AMD1: variants seen among roughly 807,000 people sequenced by gnomAD.
AMD1 encodes S-adenosylmethionine decarboxylase proenzyme.
A neutral mutation model predicts 40.2 loss-of-function variants in AMD1; 11 were observed. The ratio of observed to expected loss-of-function variants is 0.27; its 90% confidence interval spans 0.17 to 0.45. The LOEUF (loss-of-function observed/expected upper bound fraction) is 0.45, where lower values mean the gene tolerates loss of function less well. Among genes scored for constraint, AMD1 ranks in the 20% least tolerant of loss-of-function variants. The pLI is 1.00. For missense variants in AMD1, 257 were observed against 410.2 expected (o/e 0.63, Z 3.23); for synonymous variants, 121 against 130.8 (o/e 0.93, Z 0.51).
the AMD1 span, among the ~76,000 whole-genome samples, chr6:110,832,773 A>C: frequency 4.6e-5 from 7 of 152,112 alleles, no homozygotes; most frequent in Admixed American, 3.3e-4. Context: ...TTTCAGTGAT[A>C]CCTTGAGAAA....
chr6:110,841,117 G>C, the AMD1 span, among the ~76,000 whole-genome samples: 2 of 152,138 alleles, frequency 1.3e-5, no homozygotes, highest in Non-Finnish European at 2.9e-5. Context: ...GGGTTCAAGC[G>C]ATTCTCCTAC....
chr6:110,868,871 C>G, the AMD1 span, among the ~76,000 whole-genome samples: 7 of 151,800 alleles, frequency 4.6e-5, no homozygotes, highest in African/African-American at 1.7e-4. Flanking sequence ...GCCTGACCAA[C>G]ATGGAGAAAC....
At chr6:110,837,731 AAAAAAAAAAAAAAAATATAT>A in the AMD1 span, among the ~76,000 whole-genome samples, 1 of 108,180 alleles carries the variant, frequency 9.2e-6, no homozygotes, top group African/African-American at 3.9e-5. Flanking sequence ...AAAAAAAAAA[AAAAAAAAAAAAAAAATATAT>A]ATATATATAT....
chr6:110,891,711 A>T, intron 4 of AMD1: 1 of 174,464 alleles, frequency 5.7e-6, no homozygotes. Flanking sequence ...CTTATCTGGG[A>T]ATTTACCTAC....
At chr6:110,840,088 G>T in the AMD1 span, among the ~76,000 whole-genome samples, 2 of 142,230 alleles carry the variant, frequency 1.4e-5, no homozygotes, top group Admixed American at 1.5e-4. Context: ...GTGCGATCTC[G>T]GCTCACTGCA....
intron 1 of AMD1, among the ~76,000 whole-genome samples, chr6:110,886,859 T>A: frequency 6.6e-6 from 1 of 152,246 alleles, no homozygotes; most frequent in African/African-American, 2.4e-5. Context: ...ATGAACACTT[T>A]CCTAATTCTA....
the AMD1 span, among the ~76,000 whole-genome samples, chr6:110,842,019 T>C: frequency 6.6e-6 from 1 of 152,010 alleles, no homozygotes; most frequent in Non-Finnish European, 1.5e-5. Context: ...GCCAGGCTGG[T>C]CTCGAAATTC....
the AMD1 span, chr6:110,814,913 G>A: frequency 6.5e-7 from 1 of 1,537,992 alleles, no homozygotes. Context: ...CTCGCCCCTC[G>A]GGCACGGCCC....
At chr6:110,878,019 CCAAAACTAATG>C (rs1785204902) in intron 1 of AMD1, among the ~76,000 whole-genome samples, 1 of 152,062 alleles carries the variant, frequency 6.6e-6, no homozygotes, top group African/African-American at 2.4e-5. Flanking sequence ...AAATAGCTTT[CCAAAACTAATG>C]CAAGAAGAAA....
the AMD1 span, among the ~76,000 whole-genome samples, chr6:110,862,470 A>ATTTT: frequency 1.7e-5 from 2 of 119,964 alleles, no homozygotes; most frequent in African/African-American, 6.2e-5. Context: ...CTATTTACTT[A>ATTTT]TTTTTTTTTT....
rs1786152389 is a variant in AMD1, at chr6:110,893,503, T to G, written c.892T>G (p.Ser298Ala). ...QSSKCRTVLASPQKIEGFKRL... is the reference protein window; with the variant it reads ...QSSKCRTVLAAPQKIEGFKRL... ...TTCTAAATGTCGCACAGTGCTTGCT[T>G]CGCCCCAGAAGATTGAAGGTTTTAA... Residue 298 changes from serine to alanine, a missense_variant, in exon 9 of 9, where the codon TCG (serine) becomes GCG (alanine). Ser to Ala is a moderately conservative substitution (Grantham distance 99, BLOSUM62 1). Coordinates refer to ENST00000368885, the MANE Select transcript of AMD1 (RefSeq NM_001634.6). 1 of 1,613,884 alleles carries G rather than the reference T, an allele frequency of 6.2e-7. No homozygotes were observed.
chr6:110,826,812 C>T, the AMD1 span, among the ~76,000 whole-genome samples: 1 of 151,868 alleles, frequency 6.6e-6, no homozygotes, highest in Non-Finnish European at 1.5e-5. Context: ...CTGCCTCAGC[C>T]TCCTGTGTAG....
At chr6:110,833,105 G>GCCA in the AMD1 span, among the ~76,000 whole-genome samples, 3 of 152,202 alleles carry the variant, frequency 2.0e-5, no homozygotes, top group Admixed American at 2.0e-4. Flanking sequence ...ATAGGCGTGA[G>GCCA]CCACCGTGCC....
chr6:110,830,143 T>G, the AMD1 span, among the ~76,000 whole-genome samples: 1 of 151,818 alleles, frequency 6.6e-6, no homozygotes, highest in Non-Finnish European at 1.5e-5. Flanking sequence ...GCCTCCTGAG[T>G]AGCTGGGACT....
the AMD1 span, among the ~76,000 whole-genome samples, chr6:110,819,094 A>T: frequency 6.6e-6 from 1 of 152,072 alleles, no homozygotes; most frequent in South Asian, 2.1e-4. Flanking sequence ...GCAGTGGCTC[A>T]TGGCTGTAAT....
chr6:110,834,724 C>T, the AMD1 span, among the ~76,000 whole-genome samples: 3 of 151,810 alleles, frequency 2.0e-5, no homozygotes, highest in Non-Finnish European at 2.9e-5. Context: ...TTTGGGAAGC[C>T]GAGGAGGGCA....
the AMD1 span, chr6:110,814,727 G>A: frequency 1.6e-6 from 1 of 609,418 alleles, no homozygotes. Flanking sequence ...GTCCCAACTC[G>A]AGTCCCCCCG....
At chr6:110,847,384 G>A in the AMD1 span, among the ~76,000 whole-genome samples, 5 of 150,934 alleles carry the variant, frequency 3.3e-5, no homozygotes, top group Non-Finnish European at 5.9e-5. Context: ...AATTAGCCGG[G>A]CATGGTGGTG....
chr6:110,842,774 G>A, the AMD1 span, among the ~76,000 whole-genome samples: 17 of 152,092 alleles, frequency 1.1e-4, no homozygotes, highest in African/African-American at 4.1e-4. Flanking sequence ...AATCCTCTCT[G>A]GAAGAACACC....
Sources: gnomAD v4.1 joint callset for allele counts (sites outside exome capture counted in the v4.1 genomes callset) on GRCh38, gnomAD v4.1.1 for gene constraint, MANE v1.5 for transcripts, NCBI Gene and HGNC (gene_info 2026-07-23, HGNC 2026-07-21) for gene names.